The following GAS6 variants were observed in gnomAD, a reference collection of about 807,000 sequenced individuals.
The protein encoded by GAS6 is growth arrest specific 6.
GAS6 carries 41 observed loss-of-function variants against 75.8 expected under a neutral mutation model. The observed-to-expected ratio is 0.54, with a 90% CI of 0.42 to 0.70. The LOEUF (loss-of-function observed/expected upper bound fraction) is 0.70, where lower values mean the gene tolerates loss of function less well. GAS6 is among the 30% of genes least tolerant of loss of function. GAS6 has a pLI of 0.00. For missense variants in GAS6, 854 were observed against 940.2 expected (o/e 0.91, Z 1.20); for synonymous variants, 432 against 412.6 (o/e 1.05, Z -0.57).
chr13:113,832,256 A>C, intron 10 of GAS6, 43 bp downstream of exon 10: 4 of 1,575,956 alleles, frequency 2.5e-6, no homozygotes, highest in Non-Finnish European at 2.6e-6. Flanking sequence ...TGGCTCAGGG[A>C]GAACCCCGTG....
At chr13:113,829,058 C>T (rs1399902248) in intron 10 of GAS6, among the ~76,000 whole-genome samples, 1 of 82,006 alleles carries the variant, frequency 1.2e-5, no homozygotes, top group Admixed American at 1.1e-4. Context: ...CTCAGGCAGA[C>T]CACATGATCC....
intron 10 of GAS6, among the ~76,000 whole-genome samples, chr13:113,829,728 G>A (rs2051605437): frequency 1.3e-5 from 2 of 150,542 alleles, no homozygotes; most frequent in Admixed American, 6.6e-5. Context: ...GGCCAAGAGG[G>A]ACCTGACCTC....
At chr13:113,855,171 T>A (rs1256886459) in intron 2 of GAS6, among the ~76,000 whole-genome samples, 1 of 151,360 alleles carries the variant, frequency 6.6e-6, no homozygotes, top group East Asian at 2.0e-4. Context: ...CCATCTCCGG[T>A]GAGGGCGTCT....
In GAS6 at chr13:113,832,669, C is replaced by T; in HGVS notation, c.918G>A (p.Val306=). The change falls in exon 9 of 15, where the codon GTG becomes GTA. Residue 306 remains valine, a synonymous_variant. Transcript: ENST00000327773. ...YLGRMFSGTP[V]IRLRFKRLQP... ...GCAGCCTCTTGAAGCGCAGTCGGAT[C>T]ACGGGGGTCCCACTGAACATCCGGC... 2 of 1,612,786 alleles carry T rather than the reference C, an allele frequency of 1.2e-6. No individual in the cohort carries two copies. Among genetic ancestry groups the T allele is most frequent in the South Asian group, 2.2e-5 (2 of 91,090 alleles).
In GAS6 at chr13:113,821,997, G is replaced by T; in HGVS notation, c.1843C>A (p.Leu615Met). Residue 615 changes from leucine to methionine, a missense_variant, in exon 14 of 15, where the codon CTG becomes ATG. By Grantham distance (15) the Leu-to-Met change is conservative. Coordinates refer to ENST00000327773, the MANE Select transcript of GAS6 (RefSeq NM_000820.4). ...GCAAAGGTGAGCACGGGGCTCCGCA[G>T]GTGCCTCTCGAGCACGGCCAGCCTC... ...QERLAVLERH[L>M]RSPVLTFAGG... 1 of 1,552,046 alleles carries T rather than the reference G, an allele frequency of 6.4e-7. No individual in the cohort carries two copies. The highest frequency in any genetic ancestry group is 8.7e-7 in the Non-Finnish European group (1 of 1,150,790).
rs1056523231 is a variant in GAS6 at position 113,837,578 on chromosome 13, A to G, written c.589+491T>C. 4.6e-5 allele frequency among the ~76,000 whole-genome samples: 7 copies of G among 152,182 alleles called. No homozygotes were observed. Among genetic ancestry groups the G allele is most frequent in the Non-Finnish European group, 1.0e-4 (7 of 68,020 alleles). ...TTTCTGGGGTGTCCTGGGGCTCCCC[A>G]GCTCTGGCCCTGGGCTGAGGGAACC... On this transcript the variant is annotated intron_variant, in intron 6 of 14. Transcript: ENST00000327773. The surrounding 1 kb of genome is among the most constrained non-coding windows in gnomAD (Gnocchi z 5.1).
At chr13:113,828,422 C>A in intron 11 of GAS6, 125 bp downstream of exon 11, 1 of 918,588 alleles carries the variant, frequency 1.1e-6, no homozygotes, top group East Asian at 2.9e-5. Flanking sequence ...ACCTTTCCTT[C>A]CTCTAGGTCC....
At chr13:113,834,797 G>A (rs968121052) in intron 7 of GAS6, 125 bp from the exon 8 acceptor site, 39 of 1,135,070 alleles carry the variant, frequency 3.4e-5, no homozygotes, top group Middle Eastern at 2.9e-4. Context: ...AGATTCTAAC[G>A]GGGGCGGCTT....
At chr13:113,838,640 C>A (rs1594200936) in intron 5 of GAS6, among the ~76,000 whole-genome samples, 1 of 108,596 alleles carries the variant, frequency 9.2e-6, no homozygotes. Context: ...ACAGCCCAGC[C>A]CCGCAGCAGG....
intron 8 of GAS6, chr13:113,833,311 A>C (rs549705552): frequency 6.9e-6 from 7 of 1,009,340 alleles, no homozygotes; most frequent in African/African-American, 1.7e-5. Context: ...GCATGAGTAC[A>C]TGAGGCAGCG....
chr13:113,824,202 G>A (rs1270186866), intron 12 of GAS6, among the ~76,000 whole-genome samples: 2 of 131,592 alleles, frequency 1.5e-5, no homozygotes, highest in African/African-American at 3.3e-5. Context: ...CCGCGGTCTG[G>A]GGTCTGAGCT....
Position 113,823,547 on chromosome 13 carries a change from C to A in GAS6, c.1481G>T (p.Arg494Leu). 1 of 1,609,502 alleles carries A rather than the reference C, an allele frequency of 6.2e-7. No homozygotes were observed. Reference sequence around the variant, plus strand: ...TTCAGTCCCGACGTCCAGAGGGGTCCGCACTGCAATGAAAGCGGTGCATTA... The same window carrying A: ...TTCAGTCCCGACGTCCAGAGGGGTCAGCACTGCAATGAAAGCGGTGCATTA... ...GFAFYSLDYM[R>L]TPLDVGTEST... Residue 494 changes from arginine (R) to leucine (L), a missense_variant, in exon 13 of 15, where the codon CGG (arginine) becomes CTG (leucine). Coordinates refer to ENST00000327773, the MANE Select transcript of GAS6 (RefSeq NM_000820.4).
intron 10 of GAS6, among the ~76,000 whole-genome samples, chr13:113,831,133 G>A (rs569137637): frequency 2.0e-4 from 30 of 152,364 alleles, no homozygotes; most frequent in African/African-American, 6.3e-4. Flanking sequence ...AGGCCCTCTC[G>A]CTCCACGGAT....
In GAS6 at chr13:113,836,850, G is replaced by T. The variant is rs56101732; in HGVS notation, c.590-1215C>A. 6.8e-5 allele frequency among the ~76,000 whole-genome samples: 2 copies of T among 29,276 alleles called. 1 individual carries two copies. The highest frequency in any genetic ancestry group is 1.3e-4 in the Non-Finnish European group (2 of 15,606). The allele number at this position is 29,276 out of a possible 152,430, so 19.2% of individuals were successfully genotyped here. A position where few individuals can be genotyped will look rare whatever the true frequency, so the allele number is the denominator to read the frequency against. On this transcript the variant is annotated intron_variant, in intron 6 of 14. Coordinates refer to ENST00000327773, the MANE Select transcript of GAS6 (RefSeq NM_000820.4). ...AGATGGGGAGGAGGAGGGGGAGTGGGGGGGAGGAGGAGGGGGAGTGGGGAG... is the reference window on the plus strand; with the variant it reads ...AGATGGGGAGGAGGAGGGGGAGTGGTGGGGAGGAGGAGGGGGAGTGGGGAG...
chr13:113,857,353 AATTTATTTTAAAAC>A (rs1343181068), intron 2 of GAS6, among the ~76,000 whole-genome samples: 2 of 152,184 alleles, frequency 1.3e-5, no homozygotes, highest in African/African-American at 4.8e-5. Flanking sequence ...TCCCCTTTAA[AATTTATTTTAAAAC>A]TTTTAAAATG....
chr13:113,857,455 C>T (rs1421154656), intron 2 of GAS6, among the ~76,000 whole-genome samples: 1 of 152,178 alleles, frequency 6.6e-6, no homozygotes, highest in Non-Finnish European at 1.5e-5. Context: ...AATATAAAAA[C>T]CATGGAAGAG....
intron 2 of GAS6, among the ~76,000 whole-genome samples, chr13:113,856,618 G>C (rs1183615701): frequency 1.3e-5 from 2 of 152,204 alleles, no homozygotes; most frequent in Non-Finnish European, 2.9e-5. Flanking sequence ...ATCTGCTGCT[G>C]CTATTCAATT....
intron 8 of GAS6, 90 bp downstream of exon 8, chr13:113,834,461 G>A: frequency 1.5e-6 from 2 of 1,312,850 alleles, no homozygotes; most frequent in Non-Finnish European, 2.0e-6. Context: ...CAAAGGCCAG[G>A]TCTTCACGGA....
chr13:113,836,919 AG>A (rs2051723244), intron 6 of GAS6, among the ~76,000 whole-genome samples: 1 of 100,154 alleles, frequency 1.0e-5, no homozygotes. Context: ...AATGGTGGGG[AG>A]GAAGAGGAAG....
Sources: gnomAD v4.1 joint callset for allele counts (sites outside exome capture counted in the v4.1 genomes callset) on GRCh38, gnomAD v4.1.1 for gene constraint, Gnocchi (gnomAD v3.1) non-coding constraint, MANE v1.5 for transcripts, NCBI Gene and HGNC (gene_info 2026-07-23, HGNC 2026-07-21) for gene names.